Variants in CADPS2 observed in about 807,000 individuals in gnomAD.
The protein encoded by CADPS2 is calcium-dependent secretion activator 2.
A neutral mutation model predicts 172.5 loss-of-function variants in CADPS2; 93 were observed. The ratio of observed to expected loss-of-function variants is 0.54; its 90% CI spans 0.46 to 0.64. CADPS2 has a LOEUF of 0.64. Among genes scored for constraint, CADPS2 ranks in the 30% least tolerant of loss-of-function variants. CADPS2 has a pLI of 0.00. For missense variants in CADPS2, 1,420 were observed against 1,565.9 expected (o/e 0.91, Z 1.57); for synonymous variants, 546 against 555.2 (o/e 0.98, Z 0.23).
intron 11 of CADPS2, among the ~76,000 whole-genome samples, chr7:122,488,955 C>T (rs997325014): frequency 3.3e-5 from 5 of 152,170 alleles, no homozygotes; most frequent in African/African-American, 9.6e-5. Flanking sequence ...GCAGCAGCAG[C>T]GAGTTAAATT....
At chr7:122,741,423 A>G (rs2092468500) in intron 1 of CADPS2, among the ~76,000 whole-genome samples, 1 of 152,168 alleles carries the variant, frequency 6.6e-6, no homozygotes, top group African/African-American at 2.4e-5. Context: ...CAACCCTTAA[A>G]ATAAGCTATA....
chr7:122,321,073 T>C (rs2032359076), intron 29 of CADPS2, among the ~76,000 whole-genome samples: 1 of 152,242 alleles, frequency 6.6e-6, no homozygotes, highest in Admixed American at 6.5e-5. Context: ...TGTACAATGA[T>C]TTTCAAGACA....
At chr7:122,570,552 T>G (rs1432371050) in intron 7 of CADPS2, among the ~76,000 whole-genome samples, 1 of 148,410 alleles carries the variant, frequency 6.7e-6, no homozygotes, top group Non-Finnish European at 1.5e-5. Context: ...CAAAGGACTA[T>G]AAATCATGCT....
At chr7:122,811,039 T>C (rs891213008) in intron 1 of CADPS2, among the ~76,000 whole-genome samples, 1 of 152,202 alleles carries the variant, frequency 6.6e-6, no homozygotes, top group Non-Finnish European at 1.5e-5. Flanking sequence ...TAAACTAGAG[T>C]ATGTCACGTT....
At chr7:122,347,566 C>T (rs143992141) in intron 27 of CADPS2, among the ~76,000 whole-genome samples, 2 of 152,256 alleles carry the variant, frequency 1.3e-5, no homozygotes, top group African/African-American at 4.8e-5. Flanking sequence ...ATATAAATGT[C>T]TTTACTGGTC....
intron 9 of CADPS2, among the ~76,000 whole-genome samples, chr7:122,491,968 C>T (rs113348305): frequency 1.4e-4 from 21 of 152,166 alleles, no homozygotes; most frequent in African/African-American, 5.1e-4. Context: ...GTCAGGAAAT[C>T]GAGACCATCG....
intron 2 of CADPS2, among the ~76,000 whole-genome samples, chr7:122,666,935 TA>T (rs1282045186): frequency 2.0e-5 from 3 of 152,182 alleles, no homozygotes; most frequent in Non-Finnish European, 4.4e-5. Flanking sequence ...TGCCATGCAG[TA>T]AGACACACCT....
chr7:122,618,553 A>G (rs1288437363), intron 5 of CADPS2, among the ~76,000 whole-genome samples: 1 of 152,106 alleles, frequency 6.6e-6, no homozygotes, highest in East Asian at 1.9e-4. Flanking sequence ...AAATTTGAGG[A>G]GAGTTTTTCA....
chr7:122,570,817 G>A (rs2067149801), intron 7 of CADPS2, among the ~76,000 whole-genome samples: 1 of 152,060 alleles, frequency 6.6e-6, no homozygotes, highest in Non-Finnish European at 1.5e-5. Flanking sequence ...CTCATTCATA[G>A]ATGGGAATTG....
chr7:122,650,355 CTTAT>C (rs1207364929), intron 3 of CADPS2, among the ~76,000 whole-genome samples: 2 of 152,012 alleles, frequency 1.3e-5, no homozygotes, highest in African/African-American at 2.4e-5. Flanking sequence ...ATAATCCTTT[CTTAT>C]TTATTAGTAG....
chr7:122,837,304 T>G (rs1371426481), intron 1 of CADPS2, among the ~76,000 whole-genome samples: 3 of 152,150 alleles, frequency 2.0e-5, no homozygotes, highest in Non-Finnish European at 4.4e-5. Flanking sequence ...TTTATAGCAC[T>G]AAATGCCCAC....
chr7:122,480,346 A>G (rs113358668), intron 12 of CADPS2, among the ~76,000 whole-genome samples: 1 of 126,738 alleles, frequency 7.9e-6, no homozygotes, highest in African/African-American at 3.1e-5. Context: ...TTTTTAAAAA[A>G]TAAGCTTCTG....
chr7:122,872,253 T>C (rs538552676), intron 1 of CADPS2, among the ~76,000 whole-genome samples: 1 of 152,202 alleles, frequency 6.6e-6, no homozygotes, highest in East Asian at 1.9e-4. Context: ...TGATCAAACT[T>C]TATAGGGATT....
chr7:122,639,739 CA>C (rs2077409485), intron 3 of CADPS2, among the ~76,000 whole-genome samples: 1 of 152,150 alleles, frequency 6.6e-6, no homozygotes, highest in South Asian at 2.1e-4. Flanking sequence ...TATACTAAGC[CA>C]AATATGATTT....
At chr7:122,482,612 T>C (rs2057420119) in intron 11 of CADPS2, among the ~76,000 whole-genome samples, 2 of 152,152 alleles carry the variant, frequency 1.3e-5, no homozygotes, top group Non-Finnish European at 2.9e-5. Flanking sequence ...ACGCTGCACG[T>C]TGGGCAACGT....
intron 7 of CADPS2, among the ~76,000 whole-genome samples, chr7:122,574,428 AGAGT>A (rs142421143): frequency 0.013 from 1,395 of 109,384 alleles, 25 homozygotes; most frequent in African/African-American, 0.045. Flanking sequence ...CCTGGGTGAT[AGAGT>A]GAGACCCTGT....
chr7:122,733,065 AAC>A (rs2091840465), intron 2 of CADPS2, among the ~76,000 whole-genome samples: 1 of 151,490 alleles, frequency 6.6e-6, no homozygotes, highest in Non-Finnish European at 1.5e-5. Flanking sequence ...CATCCCTGAA[AAC>A]ACAGACTTCA....
rs1334883848 is a variant in CADPS2 at position 122,886,011 on chromosome 7, C to T, written c.327G>A (p.Arg109=). Reference sequence around the variant, plus strand: ...TCCCGCAACTCACCTTCTGCTGCCTCCGGGCCATGTCGGTGGGCTGCTTGG... The same window carrying T: ...TCCCGCAACTCACCTTCTGCTGCCTTCGGGCCATGTCGGTGGGCTGCTTGG... ...FNAKQPTDMA[R]RQQKLNKQQL... is the part of the protein sequence containing the mutation. The change falls in exon 1 of 30, where the codon CGG becomes CGA. Residue 109 remains arginine, a synonymous_variant. Coordinates refer to ENST00000449022, the MANE Select transcript of CADPS2 (RefSeq NM_017954.11). 6.2e-7 allele frequency: 1 copy of T among 1,607,280 alleles called. No individual in the cohort carries two copies. Among genetic ancestry groups the T allele is most frequent in the Non-Finnish European group, 8.5e-7 (1 of 1,177,404 alleles).
intron 25 of CADPS2, chr7:122,369,884 G>A (rs903513244): frequency 2.0e-5 from 3 of 152,160 alleles, no homozygotes; most frequent in East Asian, 3.9e-4. Flanking sequence ...GCAGTCAGAT[G>A]AATCTTCTTA....
Sources: allele counts gnomAD v4.1 joint callset (sites outside exome capture counted in the v4.1 genomes callset), GRCh38; gene constraint gnomAD v4.1.1; transcripts MANE v1.5; gene names NCBI Gene and HGNC (gene_info 2026-07-23, HGNC 2026-07-21).